Variants in GABRA3 observed in about 807,000 individuals in gnomAD.
GABRA3 encodes gamma-aminobutyric acid receptor subunit alpha-3.
In GABRA3, 10 loss-of-function variants were observed where a neutral mutation model predicts 30.1. The ratio of observed to expected loss-of-function variants is 0.33; its 90% CI spans 0.20 to 0.56. The LOEUF is 0.56. GABRA3 is among the 20% of genes least tolerant of loss of function. GABRA3 has a pLI of 0.89. For missense variants in GABRA3, 233 were observed against 392.0 expected, an observed-to-expected ratio of 0.59 and a Z score of 3.42; for synonymous variants, 151 against 146.8, an observed-to-expected ratio of 1.03 and a Z score of -0.21.
At chrX:152,190,238 G>T (rs1338909433) in intron 8 of GABRA3, among the ~76,000 whole-genome samples, 1 of 109,551 alleles carries the variant, frequency 9.1e-6, no homozygotes, top group Non-Finnish European at 1.9e-5. Context: ...CCATTTCATT[G>T]TAAGAGAGCA....
At chrX:152,207,248 AT>A (rs1193637728) in intron 7 of GABRA3, among the ~76,000 whole-genome samples, 2 of 111,731 alleles carry the variant, frequency 1.8e-5, no homozygotes, top group African/African-American at 3.3e-5. Flanking sequence ...TTGCTTGAAA[AT>A]TAACGTTGAA....
At chrX:152,202,116 T>C (rs1490435328) in intron 7 of GABRA3, among the ~76,000 whole-genome samples, 1 of 111,753 alleles carries the variant, frequency 8.9e-6, no homozygotes, top group Non-Finnish European at 1.9e-5. Context: ...TGTTTGAATC[T>C]GGAGCAAAGA....
At chrX:152,422,170 G>GA (rs1569422115) in intron 1 of GABRA3, among the ~76,000 whole-genome samples, 1 of 111,280 alleles carries the variant, frequency 9.0e-6, no homozygotes, top group East Asian at 2.8e-4. Flanking sequence ...CAGTAGGAGG[G>GA]ATATATAATT....
At chrX:152,363,575 C>T (rs1440306992) in intron 2 of GABRA3, among the ~76,000 whole-genome samples, 2 of 111,073 alleles carry the variant, frequency 1.8e-5, no homozygotes, top group Non-Finnish European at 3.8e-5. Context: ...ATTGAGGCTA[C>T]ACCTTTGCTT....
intron 1 of GABRA3, among the ~76,000 whole-genome samples, chrX:152,429,065 T>C (rs1313857247): frequency 9.0e-6 from 1 of 111,048 alleles, no homozygotes; most frequent in Non-Finnish European, 1.9e-5. Context: ...GGAGATTAAA[T>C]ATGAAAGAAT....
chrX:152,234,385 C>T (rs760400447), intron 5 of GABRA3, among the ~76,000 whole-genome samples: 1 of 110,447 alleles, frequency 9.1e-6, no homozygotes, highest in African/African-American at 3.3e-5. Context: ...TTGTTGGAGG[C>T]ATAGTTTGCA....
chrX:152,240,950 G>A (rs1382766469), intron 5 of GABRA3, among the ~76,000 whole-genome samples: 3 of 97,877 alleles, frequency 3.1e-5, no homozygotes, highest in South Asian at 5.0e-4. Flanking sequence ...ATGTCCTCCC[G>A]TAGCTCAGAG....
chrX:152,317,016 TA>T (rs1186259390), intron 3 of GABRA3, among the ~76,000 whole-genome samples: 1 of 112,022 alleles, frequency 8.9e-6, no homozygotes, highest in Non-Finnish European at 1.9e-5. Flanking sequence ...ATATCAATAC[TA>T]ATGTTGAATG....
intron 5 of GABRA3, among the ~76,000 whole-genome samples, chrX:152,247,986 T>C (rs1414930609): frequency 9.0e-6 from 1 of 111,055 alleles, no homozygotes; most frequent in East Asian, 2.8e-4. Flanking sequence ...AGGGAGAATA[T>C]GTCAGGGACA....
At chrX:152,360,395 A>G (rs768866949) in intron 2 of GABRA3, among the ~76,000 whole-genome samples, 2 of 98,201 alleles carry the variant, frequency 2.0e-5, no homozygotes, top group Admixed American at 1.2e-4. Context: ...AGTGGTTTTG[A>G]TTTGCATTTC....
intron 6 of GABRA3, among the ~76,000 whole-genome samples, chrX:152,216,012 A>T (rs1937713845): frequency 9.0e-6 from 1 of 111,047 alleles, no homozygotes; most frequent in Admixed American, 9.6e-5. Flanking sequence ...CATTACAGAG[A>T]TGCAAATCAA....
chrX:152,414,907 A>G (rs1930170097), intron 1 of GABRA3, among the ~76,000 whole-genome samples: 1 of 109,146 alleles, frequency 9.2e-6, no homozygotes, highest in Non-Finnish European at 1.9e-5. Context: ...TTGCTAAGTG[A>G]AAGAAGCCAA....
chrX:152,429,827 G>A (rs1930610766), intron 1 of GABRA3, among the ~76,000 whole-genome samples: 1 of 111,597 alleles, frequency 9.0e-6, no homozygotes, highest in Non-Finnish European at 1.9e-5. Context: ...CTAGGTTTAG[G>A]CAAGTCCAAT....
At chrX:152,435,766 T>C (rs1016385007) in intron 1 of GABRA3, among the ~76,000 whole-genome samples, 1 of 110,641 alleles carries the variant, frequency 9.0e-6, no homozygotes, top group Non-Finnish European at 1.9e-5. Flanking sequence ...ATACAGAAAA[T>C]ACCAAGAATC....
intron 1 of GABRA3, among the ~76,000 whole-genome samples, chrX:152,368,767 G>A (rs1221931170): frequency 7.3e-5 from 7 of 95,725 alleles, no homozygotes; most frequent in Admixed American, 6.0e-4. Context: ...GTGCAGTGGC[G>A]TGATCTCGGC....
chrX:152,411,581 G>A (rs776999346), intron 1 of GABRA3, among the ~76,000 whole-genome samples: 15 of 111,481 alleles, frequency 1.3e-4, no homozygotes, highest in African/African-American at 3.6e-4. Context: ...ACTCAAACTC[G>A]TTCAAACATC....
At chrX:152,385,064 C>T (rs769855990) in intron 1 of GABRA3, among the ~76,000 whole-genome samples, 10 of 111,373 alleles carry the variant, frequency 9.0e-5, no homozygotes, top group African/African-American at 3.3e-4. Context: ...AAAATAAGCT[C>T]TCACCACAAA....
intron 2 of GABRA3, among the ~76,000 whole-genome samples, chrX:152,362,407 T>G: frequency 9.0e-6 from 1 of 110,889 alleles, no homozygotes; most frequent in Non-Finnish European, 1.9e-5. Flanking sequence ...CTGAACACAG[T>G]TTGGTGGCAG....
intron 4 of GABRA3, among the ~76,000 whole-genome samples, chrX:152,272,150 G>A (rs1185683264): frequency 9.0e-6 from 1 of 111,542 alleles, no homozygotes; most frequent in African/African-American, 3.3e-5. Context: ...CCCCAGAATG[G>A]TAGATCCATG....
Sources: allele counts gnomAD v4.1 joint callset (sites outside exome capture counted in the v4.1 genomes callset), GRCh38; gene constraint gnomAD v4.1.1; transcripts MANE v1.5; gene names NCBI Gene and HGNC (gene_info 2026-07-23, HGNC 2026-07-21).